Variants in LRRC7 observed in about 807,000 individuals in gnomAD.
The protein encoded by LRRC7 is leucine-rich repeat-containing protein 7.
In LRRC7, 23 loss-of-function variants were observed where a neutral mutation model predicts 175.7. The ratio of observed to expected loss-of-function variants is 0.13; its 90% CI spans 0.09 to 0.19. LRRC7 has a LOEUF of 0.19. LRRC7 is among the 10% of genes least tolerant of loss of function. The pLI is 1.00. For missense variants in LRRC7, 1,354 were observed against 1,904.7 expected, an observed-to-expected ratio of 0.71 and a Z score of 5.38; for synonymous variants, 685 against 680.9, an observed-to-expected ratio of 1.01 and a Z score of -0.09.
intron 2 of LRRC7, among the ~76,000 whole-genome samples, chr1:69,737,171 G>C (rs191181429): frequency 6.6e-6 from 1 of 152,214 alleles, no homozygotes; most frequent in Admixed American, 6.5e-5. Flanking sequence ...ATTCAGCTGT[G>C]TCCCCACCCA....
chr1:69,809,108 C>G (rs547457853), intron 4 of LRRC7, among the ~76,000 whole-genome samples: 3 of 152,062 alleles, frequency 2.0e-5, no homozygotes, highest in African/African-American at 4.8e-5. Flanking sequence ...ACTGACCCCA[C>G]AAAAATACAA....
chr1:69,574,497 G>T (rs896567131), intron 1 of LRRC7, among the ~76,000 whole-genome samples: 3 of 152,138 alleles, frequency 2.0e-5, no homozygotes, highest in African/African-American at 7.2e-5. Context: ...GGAAAGGTAA[G>T]AAATGAACTT....
At chr1:70,040,592 C>T (rs376663078) in intron 21 of LRRC7, among the ~76,000 whole-genome samples, 5 of 152,198 alleles carry the variant, frequency 3.3e-5, no homozygotes, top group South Asian at 4.2e-4. Flanking sequence ...GAGGCCGAGG[C>T]GGGCGGTCAG....
chr1:70,125,549 T>G lies in LRRC7; in HGVS notation c.*3662T>G, dbSNP rs901597038. Among the ~76,000 whole-genome samples the G allele has an allele frequency of 1.3e-5, 2 of 152,060 alleles. No homozygotes were observed. The highest frequency in any genetic ancestry group is 2.4e-5 in the African/African-American group (1 of 41,408). ...GGCTCACGCCTGTAATCCCAGCACT[T>G]TGGGAGGCCGAGGCGGGCGGATCAC... On this transcript the variant is annotated 3_prime_UTR_variant, in exon 27 of 27. Coordinates refer to ENST00000651989, the MANE Select transcript of LRRC7 (RefSeq NM_001370785.2).
At chr1:69,769,727 T>C (rs1244210126) in intron 3 of LRRC7, among the ~76,000 whole-genome samples, 1 of 152,208 alleles carries the variant, frequency 6.6e-6, no homozygotes, top group Non-Finnish European at 1.5e-5. Flanking sequence ...AGAAATGGCT[T>C]ATTTTAATAA....
chr1:69,638,623 A>G (rs560261955), intron 1 of LRRC7, among the ~76,000 whole-genome samples: 5 of 151,878 alleles, frequency 3.3e-5, no homozygotes, highest in Non-Finnish European at 7.4e-5. Flanking sequence ...TAATCTGAAG[A>G]ATCTGTAGAA....
At chr1:70,115,776 G>T (rs1236836204) in intron 26 of LRRC7, among the ~76,000 whole-genome samples, 1 of 152,134 alleles carries the variant, frequency 6.6e-6, no homozygotes, top group Admixed American at 6.5e-5. Flanking sequence ...TTGATAAAAT[G>T]AACCTGTCAT....
chr1:69,652,364 G>A (rs944398584), intron 1 of LRRC7, among the ~76,000 whole-genome samples: 1 of 151,834 alleles, frequency 6.6e-6, no homozygotes, highest in African/African-American at 2.4e-5. Flanking sequence ...ATTCAAAAAG[G>A]AAATTAAGAA....
intron 4 of LRRC7, among the ~76,000 whole-genome samples, chr1:69,812,439 A>C (rs1053811311): frequency 1.3e-5 from 2 of 152,084 alleles, no homozygotes; most frequent in African/African-American, 2.4e-5. Context: ...TGCTTATTAC[A>C]TTCTCTCTTT....
rs749535600 is a variant in LRRC7, at chr1:70,129,920, G to A, written c.*8033G>A. 2.0e-5 allele frequency among the ~76,000 whole-genome samples: 3 copies of A among 151,984 alleles called. No homozygotes were observed. The highest frequency in any genetic ancestry group is 4.4e-5 in the Non-Finnish European group (3 of 67,990). Reference sequence around the variant, plus strand: ...TAAATCCTTACTTTTCCAAGTATTCGCTGTGTTTTATATTTCAGCTTTTGC... The same window carrying A: ...TAAATCCTTACTTTTCCAAGTATTCACTGTGTTTTATATTTCAGCTTTTGC... On this transcript the variant is annotated 3_prime_UTR_variant, in exon 27 of 27. Coordinates refer to ENST00000651989, the MANE Select transcript of LRRC7 (RefSeq NM_001370785.2).
At chr1:69,911,162 T>A (rs1344972078) in intron 7 of LRRC7, among the ~76,000 whole-genome samples, 1 of 152,132 alleles carries the variant, frequency 6.6e-6, no homozygotes, top group Admixed American at 6.5e-5. Flanking sequence ...AGTGAGGCAA[T>A]GCCTTGCCCT....
At chr1:69,789,842 A>G (rs1674905700) in intron 3 of LRRC7, among the ~76,000 whole-genome samples, 1 of 152,122 alleles carries the variant, frequency 6.6e-6, no homozygotes, top group South Asian at 2.1e-4. Context: ...ATAAATTATT[A>G]TATAGGTGTG....
At chr1:69,573,475 A>C (rs1645820407) in intron 1 of LRRC7, among the ~76,000 whole-genome samples, 1 of 152,146 alleles carries the variant, frequency 6.6e-6, no homozygotes, top group Non-Finnish European at 1.5e-5. Flanking sequence ...TTATCTTGGA[A>C]TAATTCATTC....
chr1:69,784,289 G>T (rs933359485), intron 3 of LRRC7, among the ~76,000 whole-genome samples: 1 of 152,156 alleles, frequency 6.6e-6, no homozygotes, highest in Non-Finnish European at 1.5e-5. Flanking sequence ...CCTCTCAGTG[G>T]TGGTGGGTAG....
intron 1 of LRRC7, among the ~76,000 whole-genome samples, chr1:69,594,342 A>G (rs998367713): frequency 1.3e-5 from 2 of 152,306 alleles, no homozygotes; most frequent in East Asian, 3.9e-4. Context: ...ATGTACCATT[A>G]ATTTATTATC....
chr1:70,023,403 T>A (rs749390459), intron 17 of LRRC7, 29 bp downstream of exon 17: 2 of 1,526,420 alleles, frequency 1.3e-6, no homozygotes, highest in African/African-American at 1.4e-5. Flanking sequence ...GGTAGGAGAA[T>A]CTCCCATGTA....
At position 70,128,314 on chromosome 1, in the gene LRRC7, T is replaced by C. The variant is rs541287376; in HGVS notation, c.*6427T>C. The stretch of plus-strand genomic sequence containing the variant: ...TTTCACTGGGTGTAGAAATTGGTGT[T>C]GAAAGAAAGTTAAATGAATCACCCA... On this transcript the variant is annotated 3_prime_UTR_variant, in exon 27 of 27. Transcript: ENST00000651989. Among the ~76,000 whole-genome samples, 2 of 152,212 alleles carry C rather than the reference T, an allele frequency of 1.3e-5. No individual in the cohort carries two copies. The highest frequency in any genetic ancestry group is 2.9e-5 in the Non-Finnish European group (2 of 68,032).
intron 8 of LRRC7, among the ~76,000 whole-genome samples, chr1:69,953,676 G>T (rs1435625235): frequency 6.6e-6 from 1 of 151,848 alleles, no homozygotes; most frequent in African/African-American, 2.4e-5. Flanking sequence ...ATCTGTATTG[G>T]GATTAACCAA....
intron 1 of LRRC7, among the ~76,000 whole-genome samples, chr1:69,583,327 A>C (rs986492782): frequency 2.0e-5 from 3 of 152,076 alleles, no homozygotes; most frequent in Non-Finnish European, 2.9e-5. Context: ...AAATGGAGTC[A>C]CTAAAATATG....
Sources: allele counts gnomAD v4.1 joint callset (sites outside exome capture counted in the v4.1 genomes callset), GRCh38; gene constraint gnomAD v4.1.1; transcripts MANE v1.5; gene names NCBI Gene and HGNC (gene_info 2026-07-23, HGNC 2026-07-21).